FOXRED1: variants seen among roughly 807,000 people sequenced by gnomAD.
FOXRED1 encodes the protein FAD-dependent oxidoreductase domain-containing protein 1.
A neutral mutation model predicts 57.8 loss-of-function variants in FOXRED1; 52 were observed. The observed-to-expected ratio is 0.90, with a 90% CI of 0.72 to 1.13. The LOEUF is 1.13. FOXRED1 is among the 50% of genes most tolerant of loss of function. FOXRED1 has a pLI of 0.00. For synonymous variants in FOXRED1, 271 were observed against 248.3 expected (o/e 1.09, Z -0.86); for missense variants, 589 against 625.2 (o/e 0.94, Z 0.62).
Position 126,274,884 on chromosome 11 carries a change from C to A in FOXRED1, c.537-43C>A, listed in dbSNP as rs1363473818. The A allele has an allele frequency of 8.7e-7, 1 of 1,145,140 alleles. No homozygotes were observed. The highest frequency in any genetic ancestry group is 2.3e-5 in the East Asian group (1 of 42,838). The allele number at this position is 1,145,140 out of a possible 1,614,324, so 70.9% of individuals were successfully genotyped here. A position where few individuals can be genotyped will look rare whatever the true frequency, so the allele number is the denominator to read the frequency against. On this transcript the variant is annotated intron_variant, in intron 4 of 10. Coordinates refer to ENST00000263578, the MANE Select transcript of FOXRED1 (RefSeq NM_017547.4). This position sits in a 1 kb window ranked among gnomAD's most constrained non-coding sequence, Gnocchi z 4.8. The stretch of plus-strand genomic sequence containing the variant: ...TCCATACATCATCCCCCTGCACACT[C>A]CCCTCTCTGACACACATACACCGAC...
intron 1 of FOXRED1, among the ~76,000 whole-genome samples, chr11:126,269,986 CAAAAAAA>C (rs58199526): frequency 6.9e-5 from 5 of 72,332 alleles, no homozygotes; most frequent in South Asian, 4.7e-4. Flanking sequence ...AACTCCGTCT[CAAAAAAA>C]AAAAAAAAAA....
chr11:126,272,977 G>A lies in FOXRED1; in HGVS notation c.315G>A (p.Gln105=), dbSNP rs1951030562. 3.9e-6 allele frequency: 6 copies of A among 1,549,772 alleles called. No homozygotes were observed. Among genetic ancestry groups the A allele is most frequent in the Middle Eastern group, 3.4e-4 (2 of 5,960 alleles). ...LVVERDHTYS[Q]ASTGLSVGGI... is the part of the protein sequence containing the mutation. ...TTCTTGTCTTTCCACAGTATTCACA[G>A]GCCTCCACTGGGCTCTCAGTAGGTG... The change falls in exon 3 of 11, where the codon CAG becomes CAA. Residue 105 remains glutamine (Q), a synonymous_variant. Coordinates refer to ENST00000263578, the MANE Select transcript of FOXRED1 (RefSeq NM_017547.4). The surrounding 1 kb of genome is among the most constrained non-coding windows in gnomAD (Gnocchi z 4.6).
intron 8 of FOXRED1, 43 bp downstream of exon 8, chr11:126,276,262 A>G: frequency 2.2e-5 from 11 of 502,958 alleles, no homozygotes; most frequent in Non-Finnish European, 2.7e-5. Flanking sequence ...TGAGAAAGAA[A>G]GAAATGACAT....
Position 126,273,823 on chromosome 11 carries a change from G to T in FOXRED1, c.536+369G>T. The T allele has an allele frequency of 3.3e-6, 1 of 305,196 alleles. No homozygotes were observed. The highest frequency in any genetic ancestry group is 3.1e-5 in the South Asian group (1 of 32,606). The allele number at this position is 305,196 out of a possible 1,614,324, so 18.9% of individuals were successfully genotyped here. On this transcript the variant is annotated intron_variant, in intron 4 of 10. Transcript: ENST00000263578. The surrounding 1 kb of genome is among the most constrained non-coding windows in gnomAD (Gnocchi z 5.9). ...CCAGATAGTATATATTTTAGGTTTT[G>T]CTGGCCATACAGTCTCTATTCCAAC...
rs1368737834 is a variant in FOXRED1, at chr11:126,272,761, T to C, written c.307-208T>C. ...TACCACTGTGTCAGCTCTTTCCAGA[T>C]GACTGACCCTCTCTGCTCTGCACAT... On this transcript the variant is annotated intron_variant, in intron 2 of 10. Coordinates refer to ENST00000263578, the MANE Select transcript of FOXRED1 (RefSeq NM_017547.4). The surrounding 1 kb of genome is among the most constrained non-coding windows in gnomAD (Gnocchi z 4.6). 1.6e-6 allele frequency: 1 copy of C among 628,472 alleles called. No homozygotes were observed. The highest frequency in any genetic ancestry group is 1.8e-5 in the African/African-American group (1 of 55,058). The allele number at this position is 628,472 out of a possible 1,614,324, so 38.9% of individuals were successfully genotyped here.
Position 126,273,460 on chromosome 11 carries a change from T to C in FOXRED1, c.536+6T>C, listed in dbSNP as rs759347514. 2 of 1,582,358 alleles carry C rather than the reference T, an allele frequency of 1.3e-6. No individual in the cohort carries two copies. The highest frequency in any genetic ancestry group is 8.7e-7 in the Non-Finnish European group (1 of 1,151,426). On this transcript the variant is annotated splice_donor_region_variant and intron_variant, in intron 4 of 10. Transcript: ENST00000263578. The surrounding 1 kb of genome is among the most constrained non-coding windows in gnomAD (Gnocchi z 5.9). ...AGCAACGTGAAAGTGCAGAGGTGGG[T>C]GCCTGGCACAGCCTCTTAGCTGCTT...
At position 126,271,611 on chromosome 11, in the gene FOXRED1, G is replaced by A; in HGVS notation, c.260G>A (p.Ser87Asn). The change falls in exon 2 of 11, where the codon AGC (serine) becomes AAC (asparagine). Residue 87 changes from serine (S) to asparagine (N), a missense_variant. Physicochemically the swap from Ser to Asn is conservative, Grantham distance 46 (BLOSUM62 1). Transcript: ENST00000263578. This position sits in a 1 kb window ranked among gnomAD's most constrained non-coding sequence, Gnocchi z 5.3. Reference protein sequence around the residue: ...SVAYWLKKLESRRGAIRVLVV... With the variant: ...SVAYWLKKLENRRGAIRVLVV... The stretch of plus-strand genomic sequence containing the variant: ...GCCTATTGGCTGAAGAAGCTGGAGA[G>A]CAGACGAGGTGCTATTCGAGTGCTA... 1 of 1,614,208 alleles carries A rather than the reference G, an allele frequency of 6.2e-7. No homozygotes were observed. Among genetic ancestry groups the A allele is most frequent in the Non-Finnish European group, 8.5e-7 (1 of 1,180,044 alleles).
At position 126,277,136 on chromosome 11, in the gene FOXRED1, C is replaced by A. The variant is rs560953332; in HGVS notation, c.1167C>A (p.Pro389=). 2.2e-5 allele frequency: 36 copies of A among 1,613,440 alleles called. No homozygotes were observed. The East Asian group carries it at 5.3e-4, about 24-fold the overall frequency. ...ATTTCTTCCAGGACAAGGTGTGGCC[C>A]CATTTGGCCCTGAGGGTCCCAGCTT... ...DHDFFQDKVW[P]HLALRVPAFE... Residue 389 remains proline (P), a synonymous_variant, in exon 10 of 11, where the codon CCC becomes CCA. Transcript: ENST00000263578. The surrounding 1 kb of genome is among the most constrained non-coding windows in gnomAD (Gnocchi z 6.8).
intron 8 of FOXRED1, 67 bp downstream of exon 8, chr11:126,276,286 C>CTT: frequency 8.5e-7 from 1 of 1,173,480 alleles, no homozygotes; most frequent in Non-Finnish European, 1.2e-6. Flanking sequence ...AGTTGGATAG[C>CTT]GTGTGTGTGT....
Position 126,274,501 on chromosome 11 carries a change from A to T in FOXRED1, c.537-426A>T, listed in dbSNP as rs1194097535. On this transcript the variant is annotated intron_variant, in intron 4 of 10. Coordinates refer to ENST00000263578, the MANE Select transcript of FOXRED1 (RefSeq NM_017547.4). This position sits in a 1 kb window ranked among gnomAD's most constrained non-coding sequence, Gnocchi z 4.8. ...CATCTCTACTAAAAATACAAAAATTAGCTGGGTGTGGTGGCGTGTGCCTGT... is the reference window on the plus strand; with the variant it reads ...CATCTCTACTAAAAATACAAAAATTTGCTGGGTGTGGTGGCGTGTGCCTGT... 1.3e-5 allele frequency: 3 copies of T among 238,426 alleles called. No homozygotes were observed. The highest frequency in any genetic ancestry group is 2.5e-5 in the Non-Finnish European group (3 of 117,884). The allele number at this position is 238,426 out of a possible 1,614,324, so 14.8% of individuals were successfully genotyped here.
chr11:126,277,135 C>T lies in FOXRED1; in HGVS notation c.1166C>T (p.Pro389Leu). The T allele has an allele frequency of 1.9e-6, 3 of 1,613,412 alleles. No homozygotes were observed. Among genetic ancestry groups the T allele is most frequent in the Non-Finnish European group, 1.7e-6 (2 of 1,179,662 alleles). ...DHDFFQDKVW[P>L]HLALRVPAFE... ...GATTTCTTCCAGGACAAGGTGTGGC[C>T]CCATTTGGCCCTGAGGGTCCCAGCT... Residue 389 changes from proline to leucine, a missense_variant, in exon 10 of 11, where the codon CCC (proline) becomes CTC (leucine). Coordinates refer to ENST00000263578, the MANE Select transcript of FOXRED1 (RefSeq NM_017547.4). This position sits in a 1 kb window ranked among gnomAD's most constrained non-coding sequence, Gnocchi z 6.8.
chr11:126,269,525 A>G (rs1333132365), intron 1 of FOXRED1: 1 of 728,190 alleles, frequency 1.4e-6, no homozygotes, highest in Non-Finnish European at 2.4e-6. Context: ...TTACAGTCAG[A>G]CTGATTGATA....
At position 126,269,281 on chromosome 11, in the gene FOXRED1, C is replaced by G; in HGVS notation, c.75C>G (p.Gly25=). 6.2e-7 allele frequency: 1 copy of G among 1,614,138 alleles called. No homozygotes were observed. Among genetic ancestry groups the G allele is most frequent in the East Asian group, 2.2e-5 (1 of 44,880 alleles). The part of the protein sequence containing the change: ...LTRRPGTRRG[G]FSLDWDGKVS... ...GGAGGCCAGGCACGCGCAGAGGAGG[C>G]TTTTCTCTGGGTAAAGTTGAGGACG... The change falls in exon 1 of 11, where the codon GGC becomes GGG. Residue 25 remains glycine (G), a synonymous_variant. Coordinates refer to ENST00000263578, the MANE Select transcript of FOXRED1 (RefSeq NM_017547.4).
In FOXRED1 at chr11:126,274,524, T is replaced by A; in HGVS notation, c.537-403T>A. The A allele has an allele frequency of 3.7e-6, 1 of 273,754 alleles. No homozygotes were observed. The highest frequency in any genetic ancestry group is 7.3e-6 in the Non-Finnish European group (1 of 137,646). The allele number at this position is 273,754 out of a possible 1,614,324, so 17.0% of individuals were successfully genotyped here. ...TTAGCTGGGTGTGGTGGCGTGTGCC[T>A]GTAGTCCCAGCTACTCCAGAGGCTG... On this transcript the variant is annotated intron_variant, in intron 4 of 10. Transcript: ENST00000263578. This position sits in a 1 kb window ranked among gnomAD's most constrained non-coding sequence, Gnocchi z 4.8.
chr11:126,273,441 G>T lies in FOXRED1; in HGVS notation c.523G>T (p.Val175Leu). 6.2e-7 allele frequency: 1 copy of T among 1,612,520 alleles called. No homozygotes were observed. The highest frequency in any genetic ancestry group is 8.5e-7 in the Non-Finnish European group (1 of 1,178,780). Reference sequence around the variant, plus strand: ...GGATGCTGCAGCCATGGAGAGCAACGTGAAAGTGCAGAGGTGGGTGCCTGG... The same window carrying T: ...GGATGCTGCAGCCATGGAGAGCAACTTGAAAGTGCAGAGGTGGGTGCCTGG... ...EKDAAAMESN[V>L]KVQRQEGAKV... Residue 175 changes from valine (V) to leucine (L), a missense_variant, in exon 4 of 11, where the codon GTG becomes TTG. Transcript: ENST00000263578. This position sits in a 1 kb window ranked among gnomAD's most constrained non-coding sequence, Gnocchi z 5.9.
rs1388748361 is a variant in FOXRED1 at position 126,273,244 on chromosome 11, C to G, written c.418-92C>G. The G allele has an allele frequency of 2.7e-6, 3 of 1,102,918 alleles. No homozygotes were observed. The highest frequency in any genetic ancestry group is 4.2e-6 in the Non-Finnish European group (3 of 713,794). 68.3% of individuals were successfully genotyped at this position (1,102,918 alleles called of 1,614,324 possible). On this transcript the variant is annotated intron_variant, in intron 3 of 10. Coordinates refer to ENST00000263578, the MANE Select transcript of FOXRED1 (RefSeq NM_017547.4). This position sits in a 1 kb window ranked among gnomAD's most constrained non-coding sequence, Gnocchi z 5.9. The stretch of plus-strand genomic sequence containing the variant: ...GTGGTGGTGCCGCAGGTCTGGGGCA[C>G]TGAGCCTGGGGAGCTGTGGGGGAAG...
At chr11:126,270,421 C>G (rs910122765) in intron 1 of FOXRED1, among the ~76,000 whole-genome samples, 82 of 152,198 alleles carry the variant, frequency 5.4e-4, no homozygotes, top group Non-Finnish European at 7.3e-4. Context: ...CAGCCTCCCC[C>G]CTCATGGATT....
At position 126,273,257 on chromosome 11, in the gene FOXRED1, G is replaced by A; in HGVS notation, c.418-79G>A. On this transcript the variant is annotated intron_variant, in intron 3 of 10. Transcript: ENST00000263578. This position sits in a 1 kb window ranked among gnomAD's most constrained non-coding sequence, Gnocchi z 5.9. The stretch of plus-strand genomic sequence containing the variant: ...AGGTCTGGGGCACTGAGCCTGGGGA[G>A]CTGTGGGGGAAGAAGGCAGGAAAAC... 1 of 1,154,158 alleles carries A rather than the reference G, an allele frequency of 8.7e-7. No homozygotes were observed. The highest frequency in any genetic ancestry group is 1.3e-6 in the Non-Finnish European group (1 of 760,524). 71.5% of individuals were successfully genotyped at this position (1,154,158 alleles called of 1,614,324 possible).
chr11:126,275,272 A>G lies in FOXRED1; in HGVS notation c.632-55A>G. On this transcript the variant is annotated intron_variant, in intron 5 of 10. Coordinates refer to ENST00000263578, the MANE Select transcript of FOXRED1 (RefSeq NM_017547.4). The surrounding 1 kb of genome is among the most constrained non-coding windows in gnomAD (Gnocchi z 5.9). ...GGGGTTGGGGGGCACAGGAAATACA[A>G]TCCAAGAGCAGAAGTCCTCATCCCT... 4.5e-6 allele frequency: 6 copies of G among 1,318,872 alleles called. No individual in the cohort carries two copies. The highest frequency in any genetic ancestry group is 6.6e-6 in the Non-Finnish European group (6 of 911,098). 81.7% of individuals were successfully genotyped at this position (1,318,872 alleles called of 1,614,324 possible). A position where few individuals can be genotyped will look rare whatever the true frequency, so the allele number is the denominator to read the frequency against.
Sources: allele counts gnomAD v4.1 joint callset (sites outside exome capture counted in the v4.1 genomes callset), GRCh38; gene constraint gnomAD v4.1.1; non-coding constraint Gnocchi (gnomAD v3.1); transcripts MANE v1.5; gene names NCBI Gene and HGNC (gene_info 2026-07-23, HGNC 2026-07-21).